UBE3D: variants seen among roughly 807,000 people sequenced by gnomAD.
The protein encoded by UBE3D is ubiquitin protein ligase E3D.
Under a neutral mutation model 49.6 loss-of-function variants are expected in UBE3D, and 48 were observed. The ratio of observed to expected loss-of-function variants is 0.97; its 90% confidence interval spans 0.77 to 1.23. UBE3D has a LOEUF of 1.23. UBE3D is among the 50% of genes most tolerant of loss of function. The pLI is 0.00. For missense variants in UBE3D, 452 were observed against 468.4 expected (o/e 0.96, Z 0.32); for synonymous variants, 189 against 174.2 (o/e 1.08, Z -0.67).
chr6:82,922,437 G>A (rs1418794900), intron 9 of UBE3D, among the ~76,000 whole-genome samples: 1 of 152,098 alleles, frequency 6.6e-6, no homozygotes, highest in East Asian at 1.9e-4. Flanking sequence ...CACAGACAGT[G>A]TAAAAGAGGA....
At chr6:82,950,053 A>G (rs1434451666) in intron 9 of UBE3D, among the ~76,000 whole-genome samples, 1 of 152,176 alleles carries the variant, frequency 6.6e-6, no homozygotes, top group African/African-American at 2.4e-5. Flanking sequence ...TAGCAAAGGA[A>G]ACAATCAACA....
chr6:83,064,655 G>A lies in UBE3D; in HGVS notation c.77+987C>T, dbSNP rs117988654. Among the ~76,000 whole-genome samples, 398 of 152,230 alleles carry A rather than the reference G, an allele frequency of 2.6e-3. 1 individual carries two copies. The highest frequency in any genetic ancestry group is 4.7e-3 in the Non-Finnish European group (320 of 68,022). ...TTTGGGTTCCTAATTACTCTACAAGGTGCACCAGAATTGGAGATATTTGTC... is the reference window on the plus strand; with the variant it reads ...TTTGGGTTCCTAATTACTCTACAAGATGCACCAGAATTGGAGATATTTGTC... On this transcript the variant is annotated intron_variant, in intron 1 of 9. Transcript: ENST00000369747.
intron 8 of UBE3D, among the ~76,000 whole-genome samples, chr6:83,016,707 A>C (rs1018121511): frequency 1.3e-5 from 2 of 151,610 alleles, no homozygotes; most frequent in Non-Finnish European, 2.9e-5. Context: ...TCATATATAT[A>C]AAGATATGTA....
intron 8 of UBE3D, among the ~76,000 whole-genome samples, chr6:82,981,513 C>G (rs1377345397): frequency 6.6e-6 from 1 of 151,702 alleles, no homozygotes; most frequent in Non-Finnish European, 1.5e-5. Context: ...AAGTAGTAGG[C>G]AAGTCACTCA....
chr6:83,009,814 T>C lies in UBE3D; in HGVS notation c.1010+9159A>G, dbSNP rs138116288. ...TATAGTACAAGGTTAAAAGAAGTAT[T>C]AAAGAGTATACTTCATCACATTAAA... On this transcript the variant is annotated intron_variant, in intron 8 of 9. Coordinates refer to ENST00000369747, the MANE Select transcript of UBE3D (RefSeq NM_198920.3). Among the ~76,000 whole-genome samples the C allele has an allele frequency of 7.1e-3, 1,069 of 149,784 alleles. 18 individuals carry two copies. Among genetic ancestry groups the C allele is most frequent in the African/African-American group, 0.025 (1,016 of 40,792 alleles).
chr6:83,043,204 G>A (rs1477628924), intron 4 of UBE3D, among the ~76,000 whole-genome samples: 1 of 152,136 alleles, frequency 6.6e-6, no homozygotes, highest in Non-Finnish European at 1.5e-5. Context: ...TATTTAAAAA[G>A]GGAAACATGG....
chr6:82,999,543 C>G (rs1472653270), intron 8 of UBE3D, among the ~76,000 whole-genome samples: 1 of 152,112 alleles, frequency 6.6e-6, no homozygotes, highest in African/African-American at 2.4e-5. Flanking sequence ...CACCACCACA[C>G]CCAGCTAATT....
At chr6:82,995,922 C>A (rs1779209961) in intron 8 of UBE3D, among the ~76,000 whole-genome samples, 2 of 152,050 alleles carry the variant, frequency 1.3e-5, no homozygotes, top group South Asian at 4.1e-4. Flanking sequence ...CAAAAATTAG[C>A]CAGGTGTGGT....
chr6:82,964,921 G>C (rs922280727), intron 8 of UBE3D, among the ~76,000 whole-genome samples: 4 of 152,102 alleles, frequency 2.6e-5, no homozygotes, highest in African/African-American at 9.7e-5. Flanking sequence ...ATTAAGTAAT[G>C]AACAGTATCC....
chr6:82,924,246 G>T (rs1773579774), intron 9 of UBE3D, among the ~76,000 whole-genome samples: 1 of 152,020 alleles, frequency 6.6e-6, no homozygotes, highest in South Asian at 2.1e-4. Context: ...CCATTTTCTT[G>T]CAGAGCTTAC....
At chr6:82,905,698 C>T (rs1406111807) in intron 9 of UBE3D, among the ~76,000 whole-genome samples, 1 of 152,106 alleles carries the variant, frequency 6.6e-6, no homozygotes, top group Non-Finnish European at 1.5e-5. Context: ...ACAAACAAGG[C>T]CCGCAAGACA....
At position 83,019,040 on chromosome 6, in the gene UBE3D, C is replaced by T. The variant is rs150313651; in HGVS notation, c.943G>A (p.Asp315Asn). 104 of 1,613,664 alleles carry T rather than the reference C, an allele frequency of 6.4e-5. No homozygotes were observed. In the African/African-American group the frequency reaches 1.1e-3, roughly 17 times the overall value. ...FPLLENTFKA[D>N]SSSAWSAVKV... ...ACAGCACTCCAGGCAGAACTAGAAT[C>T]GGCTTTGAATGTGTTTTCCAACAAG... is the stretch of plus-strand genomic sequence containing the variant. The change falls in exon 8 of 10, where the codon GAT (aspartate) becomes AAT (asparagine). Residue 315 changes from aspartate (D) to asparagine (N), a missense_variant. By Grantham distance (23) the Asp-to-Asn change is conservative (BLOSUM62 1). Transcript: ENST00000369747.
intron 8 of UBE3D, among the ~76,000 whole-genome samples, chr6:82,983,800 T>C (rs968360478): frequency 2.0e-5 from 3 of 152,168 alleles, no homozygotes; most frequent in African/African-American, 7.2e-5. Context: ...TAAGATGTTT[T>C]TGTAGTTTCT....
intron 8 of UBE3D, among the ~76,000 whole-genome samples, chr6:83,002,791 T>C (rs1305399636): frequency 6.6e-6 from 1 of 152,196 alleles, no homozygotes; most frequent in African/African-American, 2.4e-5. Context: ...GAAGCAGACA[T>C]GGGGCCCTCA....
chr6:83,030,351 T>C (rs1781777659), intron 5 of UBE3D, among the ~76,000 whole-genome samples: 1 of 152,130 alleles, frequency 6.6e-6, no homozygotes, highest in Admixed American at 6.5e-5. Flanking sequence ...TTTTCCCATA[T>C]CATGTTCTCA....
At chr6:82,893,225 T>A (rs1002323351) in intron 9 of UBE3D, among the ~76,000 whole-genome samples, 183 bp from the exon 10 acceptor site, 2 of 152,214 alleles carry the variant, frequency 1.3e-5, no homozygotes, top group East Asian at 1.9e-4. Flanking sequence ...AGTCTTTTTT[T>A]AATGAACCAT....
chr6:83,020,183 A>C lies in UBE3D; in HGVS notation c.847-1047T>G, dbSNP rs552875336. Reference sequence around the variant, plus strand: ...TTTCTAAAGAAGTACTAAAAGACACAGGCAAAGATTATTTTCATTGCAGTT... The same window carrying C: ...TTTCTAAAGAAGTACTAAAAGACACCGGCAAAGATTATTTTCATTGCAGTT... On this transcript the variant is annotated intron_variant, in intron 7 of 9. Coordinates refer to ENST00000369747, the MANE Select transcript of UBE3D (RefSeq NM_198920.3). Among the ~76,000 whole-genome samples, 8 of 152,344 alleles carry C rather than the reference A, an allele frequency of 5.3e-5. No homozygotes were observed. The South Asian group carries it at 1.7e-3, about 32-fold the overall frequency.
intron 2 of UBE3D, among the ~76,000 whole-genome samples, chr6:83,055,083 T>G (rs1195356994): frequency 6.6e-6 from 1 of 152,112 alleles, no homozygotes; most frequent in Non-Finnish European, 1.5e-5. Flanking sequence ...AGAGTCCAGT[T>G]TTCCCAGATC....
At position 82,974,692 on chromosome 6, in the gene UBE3D, A is replaced by G. The variant is rs537882057; in HGVS notation, c.1011-17242T>C. Among the ~76,000 whole-genome samples the G allele has an allele frequency of 2.6e-5, 4 of 152,224 alleles. No individual in the cohort carries two copies. In the East Asian group the frequency reaches 7.7e-4, roughly 29 times the overall value. ...GGAAGGAGTTAAATATAGCTACTCA[A>G]GAAATCAGTATTCTAGAAACGTTGT... On this transcript the variant is annotated intron_variant, in intron 8 of 9. Coordinates refer to ENST00000369747, the MANE Select transcript of UBE3D (RefSeq NM_198920.3).
Sources: gnomAD v4.1 joint callset for allele counts (sites outside exome capture counted in the v4.1 genomes callset) on GRCh38, gnomAD v4.1.1 for gene constraint, MANE v1.5 for transcripts, NCBI Gene and HGNC (gene_info 2026-07-23, HGNC 2026-07-21) for gene names.